Variants in WDFY3 observed in about 807,000 individuals in gnomAD.
The protein encoded by WDFY3 is WD repeat and FYVE domain-containing protein 3.
A neutral mutation model predicts 409.6 loss-of-function variants in WDFY3; 66 were observed. The ratio of observed to expected loss-of-function variants is 0.16; its 90% CI spans 0.13 to 0.20. The LOEUF is 0.20. Among genes scored for constraint, WDFY3 ranks in the 10% least tolerant of loss-of-function variants. WDFY3 has a pLI of 1.00. For synonymous variants in WDFY3, 1,521 were observed against 1,537.1 expected (o/e 0.99, Z 0.25); for missense variants, 3,031 against 4,298.1 (o/e 0.71, Z 8.24).
At chr4:84,698,515 C>CTGCA (rs1730519489) in intron 56 of WDFY3, among the ~76,000 whole-genome samples, 1 of 152,038 alleles carries the variant, frequency 6.6e-6, no homozygotes, top group Non-Finnish European at 1.5e-5. Flanking sequence ...TCAAGTGATG[C>CTGCA]TCCTACCTTG....
chr4:84,811,573 C>G (rs533668311), intron 13 of WDFY3, among the ~76,000 whole-genome samples: 2 of 152,166 alleles, frequency 1.3e-5, no homozygotes, highest in African/African-American at 4.8e-5. Context: ...TTAATCATGA[C>G]ATTATGCCCC....
rs116624854 is a variant in WDFY3 at position 84,756,126 on chromosome 4, C to T, written c.5425-726G>A. On this transcript the variant is annotated intron_variant, in intron 33 of 67. Transcript: ENST00000295888. ...TCTTTAACAGTCTTCAATTAGAAGT[C>T]AAGTAAAGTCTTACTATTTTCCCAA... 9.9e-5 allele frequency among the ~76,000 whole-genome samples: 15 copies of T among 152,276 alleles called. No individual in the cohort carries two copies. In the East Asian group the frequency reaches 1.5e-3, roughly 16 times the overall value.
Position 84,766,027 on chromosome 4 carries a change from T to C in WDFY3, c.4971A>G (p.Gln1657=). 6.2e-7 allele frequency: 1 copy of C among 1,613,850 alleles called. No individual in the cohort carries two copies. Among genetic ancestry groups the C allele is most frequent in the Non-Finnish European group, 8.5e-7 (1 of 1,179,860 alleles). Reference sequence around the variant, plus strand: ...GTGTCTTCACCAGTTCTTCACAAGCTCTATTCAAGACAGATGGATTTAAAA... The same window carrying C: ...GTGTCTTCACCAGTTCTTCACAAGCCCTATTCAAGACAGATGGATTTAAAA... ...TSKEKTSINL[Q]ACEELVKTLG... The change falls in exon 32 of 68, where the codon CAA becomes CAG. Residue 1657 remains glutamine, a splice_region_variant and synonymous_variant. Coordinates refer to ENST00000295888, the MANE Select transcript of WDFY3 (RefSeq NM_014991.6).
chr4:84,915,082 A>G (rs1041510751), intron 2 of WDFY3, among the ~76,000 whole-genome samples: 2 of 152,228 alleles, frequency 1.3e-5, no homozygotes, highest in Non-Finnish European at 2.9e-5. Context: ...CAAAATGACC[A>G]ATATTGTATG....
chr4:84,741,460 G>A (rs574910984), intron 38 of WDFY3, among the ~76,000 whole-genome samples: 37 of 151,930 alleles, frequency 2.4e-4, no homozygotes, highest in African/African-American at 8.5e-4. Flanking sequence ...AATTACAGGC[G>A]CGCACCAACA....
chr4:84,690,331 C>T (rs555359800), intron 61 of WDFY3, among the ~76,000 whole-genome samples, 175 bp downstream of exon 61: 53 of 152,162 alleles, frequency 3.5e-4, no homozygotes, highest in African/African-American at 1.3e-3. Flanking sequence ...TTAGAAACAA[C>T]CTATTCTGAT....
intron 2 of WDFY3, among the ~76,000 whole-genome samples, chr4:84,910,420 A>G (rs368791055): frequency 6.6e-6 from 1 of 152,026 alleles, no homozygotes; most frequent in East Asian, 1.9e-4. Context: ...TAAATCAAAT[A>G]TATAATATAA....
At chr4:84,709,130 T>C (rs1380362280) in intron 52 of WDFY3, 102 bp from the exon 53 acceptor site, 1 of 1,498,286 alleles carries the variant, frequency 6.7e-7, no homozygotes, top group East Asian at 2.3e-5. Context: ...AGTTTCTTTT[T>C]AACAGATTTC....
chr4:84,775,042 A>G (rs1181985491), intron 28 of WDFY3, 23 bp downstream of exon 28: 2 of 1,613,534 alleles, frequency 1.2e-6, no homozygotes, highest in Non-Finnish European at 1.7e-6. Context: ...TGAATAATTA[A>G]CTACGTGGGT....
At chr4:84,918,172 T>C (rs1768756745) in intron 2 of WDFY3, among the ~76,000 whole-genome samples, 1 of 152,130 alleles carries the variant, frequency 6.6e-6, no homozygotes, top group Non-Finnish European at 1.5e-5. Flanking sequence ...ACATAGGCAT[T>C]TACCACTTCG....
At chr4:84,792,701 A>C (rs1031995530) in intron 21 of WDFY3, among the ~76,000 whole-genome samples, 3 of 152,200 alleles carry the variant, frequency 2.0e-5, no homozygotes, top group African/African-American at 7.2e-5. Flanking sequence ...TAAAAATGAG[A>C]TAAGAGTTAG....
At chr4:84,875,089 GA>G (rs1334608758) in intron 3 of WDFY3, among the ~76,000 whole-genome samples, 2 of 151,996 alleles carry the variant, frequency 1.3e-5, no homozygotes, top group African/African-American at 2.4e-5. Context: ...CCAACATGGT[GA>G]AACCCCGTCT....
intron 1 of WDFY3, among the ~76,000 whole-genome samples, chr4:84,963,886 T>C (rs143611251): frequency 4.6e-5 from 7 of 152,360 alleles, no homozygotes; most frequent in Non-Finnish European, 8.8e-5. Flanking sequence ...AATGAGAATG[T>C]GTTAGAAACA....
chr4:84,717,087 T>C, intron 48 of WDFY3, 71 bp from the exon 49 acceptor site: 1 of 1,432,048 alleles, frequency 7.0e-7, no homozygotes, highest in Admixed American at 2.4e-5. Flanking sequence ...ATAAAGGGCG[T>C]GCTAATTTTA....
chr4:84,887,592 A>G (rs1239069315), intron 3 of WDFY3, among the ~76,000 whole-genome samples: 1 of 152,194 alleles, frequency 6.6e-6, no homozygotes, highest in Non-Finnish European at 1.5e-5. Flanking sequence ...TCCATAGCCA[A>G]GTACAATGCT....
intron 7 of WDFY3, among the ~76,000 whole-genome samples, chr4:84,835,532 T>A (rs1244680157): frequency 2.0e-5 from 3 of 152,220 alleles, no homozygotes; most frequent in Non-Finnish European, 4.4e-5. Flanking sequence ...AGATGAGAAA[T>A]GTTAACCACA....
chr4:84,755,170 T>TA (rs1741224418), intron 34 of WDFY3, 96 bp downstream of exon 34: 2 of 1,524,132 alleles, frequency 1.3e-6, no homozygotes, highest in Middle Eastern at 1.7e-4. Flanking sequence ...ATGCAGTAAA[T>TA]AAAGTAGTTA....
chr4:84,678,327 C>T (rs1560511757), intron 65 of WDFY3, 48 bp from the exon 66 acceptor site: 1 of 1,394,586 alleles, frequency 7.2e-7, no homozygotes, highest in African/African-American at 1.4e-5. Flanking sequence ...TGAGAGAAGC[C>T]AATACTGGGG....
intron 66 of WDFY3, 124 bp downstream of exon 66, chr4:84,678,044 T>C (rs2148737276): frequency 1.6e-6 from 1 of 622,274 alleles, no homozygotes; most frequent in African/African-American, 1.8e-5. Flanking sequence ...AATTTATCTC[T>C]TTGAGCTACA....
Sources: gnomAD v4.1 joint callset for allele counts (sites outside exome capture counted in the v4.1 genomes callset) on GRCh38, gnomAD v4.1.1 for gene constraint, MANE v1.5 for transcripts, NCBI Gene and HGNC (gene_info 2026-07-23, HGNC 2026-07-21) for gene names.